The following ZNF142 variants were observed in gnomAD, a reference collection of about 807,000 sequenced individuals.
ZNF142 encodes zinc finger protein 142, also known as zinc finger protein 142 (clone pHZ-49).
Under a neutral mutation model 132.1 loss-of-function variants are expected in ZNF142, and 96 were observed. The ratio of observed to expected loss-of-function variants is 0.73; its 90% CI spans 0.62 to 0.86. ZNF142 has a LOEUF of 0.86. ZNF142 is among the 40% of genes least tolerant of loss of function. ZNF142 has a pLI of 0.00. For missense variants in ZNF142, 2,163 were observed against 2,336.2 expected, an observed-to-expected ratio of 0.93 and a Z score of 1.53; for synonymous variants, 842 against 890.1, an observed-to-expected ratio of 0.95 and a Z score of 0.96.
Position 218,643,648 on chromosome 2 carries a change from A to G in ZNF142, c.3468T>C (p.Leu1156=). 6.4e-7 allele frequency: 1 copy of G among 1,551,106 alleles called. No individual in the cohort carries two copies. The highest frequency in any genetic ancestry group is 8.7e-7 in the Non-Finnish European group (1 of 1,152,256). Residue 1156 remains leucine, a synonymous_variant, in exon 9 of 11, where the codon CTT becomes CTC. Coordinates refer to ENST00000411696, the MANE Select transcript of ZNF142 (RefSeq NM_001379659.1). ...PREPEETEEP[L]ATVSGSPVPP... ...GGACTGGGGAACCAGAGACTGTGGC[A>G]AGAGGCTCTTCTGTTTCTTCTGGCT...
Position 218,635,659 on chromosome 2 carries a change from G to A in ZNF142, c.*2680C>T, listed in dbSNP as rs903953370. 4.8e-6 allele frequency: 6 copies of A among 1,259,372 alleles called. No homozygotes were observed. The African/African-American group carries it at 9.1e-5, about 19-fold the overall frequency. 78.0% of individuals were successfully genotyped at this position (1,259,372 alleles called of 1,614,324 possible). ...TTGGGTGCATTTTAAATTGCAGATA[G>A]AATACTAGAAGAAAATATATTACCC... On this transcript the variant is annotated 3_prime_UTR_variant, in exon 11 of 11. Transcript: ENST00000411696.
rs770060242 is a variant in ZNF142, at chr2:218,643,917, G to A, written c.3199C>T (p.Leu1067=). 1 of 1,614,182 alleles carries A rather than the reference G, an allele frequency of 6.2e-7. No homozygotes were observed. Among genetic ancestry groups the A allele is most frequent in the Non-Finnish European group, 8.5e-7 (1 of 1,180,022 alleles). ...TGCQGRREPL[L]CPECGASFKQ... ...AAGCTAGCCCCACACTCGGGGCACA[G>A]CAGGGGCTCTCGGCGGCCTTGGCAC... The change falls in exon 9 of 11, where the codon CTG becomes TTG. Residue 1067 remains leucine, a synonymous_variant. Coordinates refer to ENST00000411696, the MANE Select transcript of ZNF142 (RefSeq NM_001379659.1).
chr2:218,656,492 G>GT (rs1483039565), intron 3 of ZNF142, 29 bp from the exon 4 acceptor site: 4 of 1,423,272 alleles, frequency 2.8e-6, no homozygotes, highest in Non-Finnish European at 3.7e-6. Context: ...GAAAAACAAA[G>GT]TAAGGTTAGA....
At chr2:218,641,905 G>T in intron 9 of ZNF142, 123 bp downstream of exon 9, 2 of 1,271,364 alleles carry the variant, frequency 1.6e-6, no homozygotes, top group Non-Finnish European at 2.1e-6. Flanking sequence ...CTGAGGCTTG[G>T]TAAAGGAACT....
Position 218,636,395 on chromosome 2 carries a change from G to C in ZNF142, c.*1944C>G, listed in dbSNP as rs773689857. 2.5e-6 allele frequency: 4 copies of C among 1,614,018 alleles called. No individual in the cohort carries two copies. Among genetic ancestry groups the C allele is most frequent in the Non-Finnish European group, 3.4e-6 (4 of 1,179,902 alleles). On this transcript the variant is annotated 3_prime_UTR_variant, in exon 11 of 11. Coordinates refer to ENST00000411696, the MANE Select transcript of ZNF142 (RefSeq NM_001379659.1). The stretch of plus-strand genomic sequence containing the variant: ...GCCTTGGACCTGCATGCAACAAGGT[G>C]AGCCAGCCCCTTTGGCCCCTGGCCA...
intron 10 of ZNF142, among the ~76,000 whole-genome samples, chr2:218,639,733 G>GAAA (rs34789965): frequency 2.0e-5 from 2 of 101,836 alleles, no homozygotes; most frequent in Admixed American, 1.3e-4. Context: ...CCCTGTCACT[G>GAAA]AAAAAAAAAA....
At chr2:218,654,344 A>C (rs2106269176) in intron 4 of ZNF142, among the ~76,000 whole-genome samples, 1 of 151,382 alleles carries the variant, frequency 6.6e-6, no homozygotes, top group South Asian at 2.1e-4. Flanking sequence ...ATTATTAAAA[A>C]TGTTTAATTT....
Position 218,642,610 on chromosome 2 carries a change from C to T in ZNF142, c.4506G>A (p.Lys1502=). The T allele has an allele frequency of 1.9e-6, 3 of 1,597,884 alleles. No individual in the cohort carries two copies. The highest frequency in any genetic ancestry group is 2.6e-6 in the Non-Finnish European group (3 of 1,173,382). Residue 1502 remains lysine (K), a synonymous_variant, in exon 9 of 11, where the codon AAG becomes AAA. Transcript: ENST00000411696. The surrounding 1 kb of genome is among the most constrained non-coding windows in gnomAD (Gnocchi z 4.6). ...EAQFSSETAL[K]QHALRRHPEP... ...CGGGGTGTCGGCGCAGAGCATGCTGCTTAAGTGCTGTCTCTGAGCTGAACT... is the reference window on the plus strand; with the variant it reads ...CGGGGTGTCGGCGCAGAGCATGCTGTTTAAGTGCTGTCTCTGAGCTGAACT...
At position 218,652,183 on chromosome 2, in the gene ZNF142, C is replaced by G; in HGVS notation, c.398G>C (p.Gly133Ala). 1 of 456,002 alleles carries G rather than the reference C, an allele frequency of 2.2e-6. No homozygotes were observed. Among genetic ancestry groups the G allele is most frequent in the South Asian group, 1.6e-5 (1 of 64,504 alleles). 28.2% of individuals were successfully genotyped at this position (456,002 alleles called of 1,614,324 possible). Residue 133 changes from glycine (G) to alanine (A), a missense_variant, in exon 5 of 11, where the codon GGC becomes GCC. This residue lies in a region of ZNF142 where 195 missense variants were observed against 172.4 expected (regional missense o/e 1.13). Coordinates refer to ENST00000411696, the MANE Select transcript of ZNF142 (RefSeq NM_001379659.1). Reference protein sequence around the residue: ...CSETHIQPVQGLSSPPCSVEL... With the variant: ...CSETHIQPVQALSSPPCSVEL... ...TACAGAGCATGGGGGGCTAGAGAGG[C>G]CCTGCACAGGCTGTATATGGGTCTC...
chr2:218,655,720 A>T (rs775230632), intron 4 of ZNF142, among the ~76,000 whole-genome samples: 1 of 152,180 alleles, frequency 6.6e-6, no homozygotes, highest in Non-Finnish European at 1.5e-5. Context: ...AAACTAGGGC[A>T]GGGAAATACC....
chr2:218,642,815 G>A lies in ZNF142; in HGVS notation c.4301C>T (p.Pro1434Leu), dbSNP rs1328794473. 1.9e-6 allele frequency: 3 copies of A among 1,614,226 alleles called. No individual in the cohort carries two copies. Among genetic ancestry groups the A allele is most frequent in the Non-Finnish European group, 2.5e-6 (3 of 1,180,050 alleles). ...TTTCGAGTTGGTACCAAACGTCTGG[G>A]GGCAAGAGCTGCAGGGGATGCGGCC... ...GIGRIPCSSCPQTFGTNSKLR... is the reference protein window; with the variant it reads ...GIGRIPCSSCLQTFGTNSKLR... The change falls in exon 9 of 11, where the codon CCC becomes CTC. Residue 1434 changes from proline to leucine, a missense_variant. Pro to Leu is a moderately conservative substitution (Grantham distance 98). Coordinates refer to ENST00000411696, the MANE Select transcript of ZNF142 (RefSeq NM_001379659.1). This position sits in a 1 kb window ranked among gnomAD's most constrained non-coding sequence, Gnocchi z 4.6.
rs764771389 is a variant in ZNF142, at chr2:218,646,193, G to C, written c.2029C>G (p.Arg677Gly). The C allele has an allele frequency of 9.9e-6, 16 of 1,613,724 alleles. No individual in the cohort carries two copies. Among genetic ancestry groups the C allele is most frequent in the African/African-American group, 6.7e-5 (5 of 74,914 alleles). Residue 677 changes from arginine (R) to glycine (G), a missense_variant, in exon 8 of 11, where the codon CGA becomes GGA. Coordinates refer to ENST00000411696, the MANE Select transcript of ZNF142 (RefSeq NM_001379659.1). ...TACCTGAGGTCCCCTGCATGTTTTC[G>C]CATGTGCACACGGAGGTAGTGCTTC... ...KWKHYLRVHM[R>G]KHAGDLRYQC...
intron 10 of ZNF142, among the ~76,000 whole-genome samples, chr2:218,640,061 CAA>C (rs35136548): frequency 2.7e-4 from 12 of 44,328 alleles, no homozygotes; most frequent in African/African-American, 1.1e-3. Flanking sequence ...GACTCTGTCT[CAA>C]AAAAAAAAAA....
chr2:218,642,794 G>A lies in ZNF142; in HGVS notation c.4322C>T (p.Ser1441Leu), dbSNP rs752753365. The A allele has an allele frequency of 4.3e-6, 7 of 1,614,178 alleles. No homozygotes were observed. The highest frequency in any genetic ancestry group is 5.9e-6 in the Non-Finnish European group (7 of 1,180,044). Residue 1441 changes from serine (S) to leucine (L), a missense_variant, in exon 9 of 11, where the codon TCG becomes TTG. Transcript: ENST00000411696. The surrounding 1 kb of genome is among the most constrained non-coding windows in gnomAD (Gnocchi z 4.6). ...SSCPQTFGTN[S>L]KLRLHRLRVH... ...CCTTAACCGGTGCAAGCGCAGTTTC[G>A]AGTTGGTACCAAACGTCTGGGGGCA...
chr2:218,648,528 T>C (rs1488289966), intron 7 of ZNF142, 107 bp downstream of exon 7: 18 of 1,068,954 alleles, frequency 1.7e-5, no homozygotes, highest in Non-Finnish European at 2.2e-5. Flanking sequence ...GCTAGATCTA[T>C]CTCTAGGAAT....
chr2:218,640,346 C>A (rs549913836), intron 10 of ZNF142, among the ~76,000 whole-genome samples: 1 of 152,254 alleles, frequency 6.6e-6, no homozygotes, highest in South Asian at 2.1e-4. Flanking sequence ...TGTGTAAGAG[C>A]CAAGCAAATC....
Position 218,659,077 on chromosome 2 carries a change from G to C in ZNF142, c.-308C>G, listed in dbSNP as rs767627107. ...ATGACAGTGTCCACATCGTCGGGCA[G>C]GAGCTGGATCATAAGAGCCAGCGAA... is the stretch of plus-strand genomic sequence containing the variant. On this transcript the variant is annotated 5_prime_UTR_variant, in exon 2 of 11. Transcript: ENST00000411696. The surrounding 1 kb of genome is among the most constrained non-coding windows in gnomAD (Gnocchi z 4.4). The C allele has an allele frequency of 3.9e-5, 6 of 152,270 alleles. No individual in the cohort carries two copies. The highest frequency in any genetic ancestry group is 7.3e-5 in the Non-Finnish European group (5 of 68,104). 9.4% of individuals were successfully genotyped at this position (152,270 alleles called of 1,614,324 possible).
At chr2:218,657,087 G>C (rs960545176) in intron 3 of ZNF142, among the ~76,000 whole-genome samples, 5 of 152,204 alleles carry the variant, frequency 3.3e-5, no homozygotes. Context: ...CAAAGTGCTG[G>C]GATTATAGGC....
rs546151500 is a variant in ZNF142 at position 218,643,341 on chromosome 2, G to T, written c.3775C>A (p.Arg1259=). Residue 1259 remains arginine (R), a synonymous_variant, in exon 9 of 11, where the codon CGA becomes AGA. Transcript: ENST00000411696. ...CRGGRGGGGK[R]GTPQTQPDVS... is the part of the protein sequence containing the mutation. ...TCAGGCTGGGTCTGGGGGGTCCCTC[G>T]TTTTCCTCCCCCGCCACGTCCCCCC... 1 of 1,614,132 alleles carries T rather than the reference G, an allele frequency of 6.2e-7. No homozygotes were observed. Among genetic ancestry groups the T allele is most frequent in the East Asian group, 2.2e-5 (1 of 44,888 alleles).
Sources: gnomAD v4.1 joint callset for allele counts (sites outside exome capture counted in the v4.1 genomes callset) on GRCh38, gnomAD v4.1.1 for gene constraint, gnomAD v4.1.1 regional missense constraint, Gnocchi (gnomAD v3.1) non-coding constraint, MANE v1.5 for transcripts, NCBI Gene and HGNC (gene_info 2026-07-23, HGNC 2026-07-21) for gene names.